The following NT5C2 variants were observed in gnomAD, a reference collection of about 807,000 sequenced individuals.
NT5C2 encodes 5'-nucleotidase, cytosolic II, also known as cytosolic purine 5'-nucleotidase.
A neutral mutation model predicts 76.1 loss-of-function variants in NT5C2; 58 were observed. The ratio of observed to expected loss-of-function variants is 0.76; its 90% CI spans 0.62 to 0.95. NT5C2 has a LOEUF of 0.95. NT5C2 is among the 40% of genes least tolerant of loss of function. The probability of loss-of-function intolerance (pLI) is 0.00; values close to 1 mark genes in which losing one functional copy is unlikely to be tolerated. For missense variants in NT5C2, 478 were observed against 690.3 expected (o/e 0.69, Z 3.45); for synonymous variants, 229 against 237.4 (o/e 0.96, Z 0.32).
chr10:103,133,654 T>G (rs2078658178), intron 4 of NT5C2, among the ~76,000 whole-genome samples: 1 of 151,990 alleles, frequency 6.6e-6, no homozygotes, highest in South Asian at 2.1e-4. Context: ...ACCAGTAGAG[T>G]GGAGCACTGC....
At chr10:103,139,022 T>C (rs923703036) in intron 4 of NT5C2, among the ~76,000 whole-genome samples, 2 of 151,108 alleles carry the variant, frequency 1.3e-5, no homozygotes, top group African/African-American at 4.9e-5. Flanking sequence ...AAAAAAAAAC[T>C]AAAATTTTTA....
rs893373835 is a variant in NT5C2 at position 103,089,684 on chromosome 10, C to T, written c.1674G>A (p.Glu558=). The change falls in exon 19 of 19, where the codon GAG becomes GAA. Residue 558 remains glutamate (E), a synonymous_variant. Coordinates refer to ENST00000404739, the MANE Select transcript of NT5C2 (RefSeq NM_001351169.2). The part of the protein sequence containing the change: ...HDEDDDEEEE[E]EEE ...TTGGTTTTCCTCCTTATTCTTCCTC[C>T]TCCTCCTCCTCTTCATCATCATCTT... 2.5e-6 allele frequency: 4 copies of T among 1,603,194 alleles called. No individual in the cohort carries two copies. The highest frequency in any genetic ancestry group is 3.4e-6 in the Non-Finnish European group (4 of 1,174,528).
chr10:103,100,320 T>G (rs1342928492), intron 8 of NT5C2, among the ~76,000 whole-genome samples: 1 of 152,172 alleles, frequency 6.6e-6, no homozygotes, highest in Non-Finnish European at 1.5e-5. Flanking sequence ...TAGAAACAGG[T>G]TGAAGAAACA....
chr10:103,106,470 A>G (rs2071297081), intron 5 of NT5C2, 119 bp downstream of exon 5: 1 of 688,734 alleles, frequency 1.5e-6, no homozygotes, highest in African/African-American at 1.8e-5. Flanking sequence ...AAAACAACAA[A>G]GAATTATTCA....
chr10:103,097,947 A>G (rs2068607805), intron 10 of NT5C2: 2 of 478,462 alleles, frequency 4.2e-6, no homozygotes, highest in East Asian at 1.3e-4. Context: ...AGATTCCTTC[A>G]CTCAAATTCT....
At chr10:103,090,844 T>C in intron 17 of NT5C2, 57 bp from the exon 18 acceptor site, 1 of 1,593,030 alleles carries the variant, frequency 6.3e-7, no homozygotes, top group Non-Finnish European at 8.6e-7. Context: ...TATTGAGCAG[T>C]AGTTGAATGC....
intron 1 of NT5C2, among the ~76,000 whole-genome samples, chr10:103,191,190 G>C (rs1427218882): frequency 1.3e-5 from 2 of 152,118 alleles, no homozygotes; most frequent in Non-Finnish European, 1.5e-5. Flanking sequence ...TCAGGAGTTC[G>C]AGACCAGCCT....
At position 103,174,476 on chromosome 10, in the gene NT5C2, C is replaced by A. The variant is rs181988640; in HGVS notation, c.101+382G>T. ...GTCTCAGCTACTCAGGAGGCTGAGG[C>A]AAGAGAATTGCTTGAGCCTGGGAGG... is the stretch of plus-strand genomic sequence containing the variant. On this transcript the variant is annotated intron_variant, in intron 3 of 18. Coordinates refer to ENST00000404739, the MANE Select transcript of NT5C2 (RefSeq NM_001351169.2). Among the ~76,000 whole-genome samples, 240 of 152,232 alleles carry A rather than the reference C, an allele frequency of 1.6e-3. 1 individual carries two copies. The East Asian group carries it at 0.026, about 17-fold the overall frequency.
In NT5C2 at chr10:103,089,599, C is replaced by G. The variant is rs1006919761; in HGVS notation, c.*73G>C. On this transcript the variant is annotated 3_prime_UTR_variant, in exon 19 of 19. Transcript: ENST00000404739. ...CTCCCTCCCCCGAGTAGAACCCTAA[C>G]AGGGACCTCGTTTGTTCCTGTGAGT... The G allele has an allele frequency of 1.6e-5, 23 of 1,479,628 alleles. No individual in the cohort carries two copies. In the African/African-American group the frequency reaches 3.2e-4, roughly 21 times the overall value. 91.7% of individuals were successfully genotyped at this position (1,479,628 alleles called of 1,614,324 possible).
chr10:103,099,965 G>T lies in NT5C2; in HGVS notation c.594C>A (p.Phe198Leu). The change falls in exon 9 of 19, where the codon TTC becomes TTA. Residue 198 changes from phenylalanine to leucine, a missense_variant. By Grantham distance (22) the Phe-to-Leu change is conservative. Transcript: ENST00000404739. The stretch of plus-strand genomic sequence containing the variant: ...AGTCAACAGCATCTCTTACATCCTG[G>T]AACATACTCCGGTAGGACATGAAGA... ...GDLFMSYRSM[F>L]QDVRDAVDWV... The T allele has an allele frequency of 6.2e-7, 1 of 1,612,966 alleles. No individual in the cohort carries two copies. Among genetic ancestry groups the T allele is most frequent in the Admixed American group, 1.7e-5 (1 of 60,018 alleles).
intron 3 of NT5C2, among the ~76,000 whole-genome samples, chr10:103,167,959 C>T (rs1262473630): frequency 1.3e-5 from 2 of 152,038 alleles, no homozygotes; most frequent in African/African-American, 4.8e-5. Context: ...TAGATCGAAG[C>T]CATAAGTACT....
intron 3 of NT5C2, among the ~76,000 whole-genome samples, chr10:103,157,178 G>A (rs1002929187): frequency 4.6e-5 from 7 of 151,320 alleles, no homozygotes; most frequent in African/African-American, 1.5e-4. Context: ...TTAACTGAAA[G>A]CAAACAAATG....
At chr10:103,175,071 T>G (rs1436237461) in intron 2 of NT5C2, 89 bp from the exon 3 acceptor site, 1 of 708,306 alleles carries the variant, frequency 1.4e-6, no homozygotes, top group Admixed American at 2.4e-5. Flanking sequence ...AAACTCCAGC[T>G]TGCAAACTGC....
Position 103,188,153 on chromosome 10 carries a change from G to A in NT5C2, c.-169+5083C>T, listed in dbSNP as rs572968163. ...AGGTGGATCACGAGGTCAGGAGTTC[G>A]AGACCAGCCTGGCCAACATAGCGAA... is the stretch of plus-strand genomic sequence containing the variant. On this transcript the variant is annotated intron_variant, in intron 1 of 18. Transcript: ENST00000404739. Among the ~76,000 whole-genome samples, 369 of 152,216 alleles carry A rather than the reference G, an allele frequency of 2.4e-3. 2 individuals are homozygous for A. The highest frequency in any genetic ancestry group is 8.2e-3 in the African/African-American group (342 of 41,526).
At chr10:103,158,077 G>GA (rs56754296) in intron 3 of NT5C2, among the ~76,000 whole-genome samples, 4,398 of 106,056 alleles carry the variant, frequency 0.041, 197 homozygotes, top group Admixed American at 0.16. Context: ...ATCTCAAAAA[G>GA]AAAAAAAAAA....
rs545962468 is a variant in NT5C2, at chr10:103,094,321, GC to G, written c.921+26del. ...GAGAAACATTAAGGACAATGTGCTA[GC>G]AAGACAGATCATTCTCATGACTTAC... On this transcript the variant is annotated intron_variant, in intron 13 of 18. Coordinates refer to ENST00000404739, the MANE Select transcript of NT5C2 (RefSeq NM_001351169.2). 1.1e-4 allele frequency: 152 copies of G among 1,365,794 alleles called. No homozygotes were observed. In the African/African-American group the frequency reaches 1.9e-3, roughly 17 times the overall value. The allele number at this position is 1,365,794 out of a possible 1,614,324, so 84.6% of individuals were successfully genotyped here.
At chr10:103,111,862 TA>T (rs940407887) in intron 4 of NT5C2, 146 of 1,125,606 alleles carry the variant, frequency 1.3e-4, no homozygotes, top group Non-Finnish European at 2.0e-5. Context: ...AAGCTGGTTT[TA>T]AAACTGTTGT....
At chr10:103,137,145 A>G (rs902925066) in intron 4 of NT5C2, among the ~76,000 whole-genome samples, 1 of 152,220 alleles carries the variant, frequency 6.6e-6, no homozygotes, top group Admixed American at 6.5e-5. Flanking sequence ...TCTGCTTTAG[A>G]TAATCTCTTT....
chr10:103,132,625 A>G (rs2078418831), intron 4 of NT5C2, among the ~76,000 whole-genome samples: 1 of 151,924 alleles, frequency 6.6e-6, no homozygotes, highest in Admixed American at 6.6e-5. Flanking sequence ...GGCTCACTGT[A>G]AGCTCTGCAT....
Sources: allele counts gnomAD v4.1 joint callset (sites outside exome capture counted in the v4.1 genomes callset), GRCh38; gene constraint gnomAD v4.1.1; transcripts MANE v1.5; gene names NCBI Gene and HGNC (gene_info 2026-07-23, HGNC 2026-07-21).